The following NLGN4X variants were observed in gnomAD, a reference collection of about 807,000 sequenced individuals.
NLGN4X encodes the protein neuroligin 4 X-linked.
Under a neutral mutation model 40.3 loss-of-function variants are expected in NLGN4X, and 3 were observed. The observed-to-expected ratio is 0.07, with a 90% CI of 0.03 to 0.19. The LOEUF (loss-of-function observed/expected upper bound fraction) is 0.19. NLGN4X is among the 10% of genes least tolerant of loss of function. NLGN4X has a pLI of 1.00. For missense variants in NLGN4X, 382 were observed against 708.3 expected, an observed-to-expected ratio of 0.54 and a Z score of 5.23; for synonymous variants, 270 against 306.8, an observed-to-expected ratio of 0.88 and a Z score of 1.25.
intron 3 of NLGN4X, among the ~76,000 whole-genome samples, chrX:5,964,005 T>C (rs1348688626): frequency 3.6e-5 from 4 of 112,064 alleles, no homozygotes; most frequent in Admixed American, 1.9e-4. Context: ...GGGAAAACAA[T>C]GCAAAGTGTA....
chrX:6,058,487 A>C (rs1412711210), intron 2 of NLGN4X, among the ~76,000 whole-genome samples: 1 of 112,486 alleles, frequency 8.9e-6, no homozygotes, highest in African/African-American at 3.2e-5. Flanking sequence ...TGAGATCCTT[A>C]CTTGCATAGT....
At chrX:6,073,266 CT>C (rs1380586816) in intron 2 of NLGN4X, among the ~76,000 whole-genome samples, 1 of 112,125 alleles carries the variant, frequency 8.9e-6, no homozygotes, top group Non-Finnish European at 1.9e-5. Context: ...TAGAAACTGA[CT>C]TTTTACATTT....
At position 6,044,025 on chromosome X, in the gene NLGN4X, TGA is replaced by T. The variant is rs1364918148; in HGVS notation, c.473-14595_473-14594del. ...GCTCATGCCTGTAATTCCAGCACTC[TGA>T]GAGGCCAAGGCAAGAGGACTGCTTG... On this transcript the variant is annotated intron_variant, in intron 2 of 5. Transcript: ENST00000381095. Among the ~76,000 whole-genome samples, 3 of 110,638 alleles carry T rather than the reference TGA, an allele frequency of 2.7e-5. No homozygotes were observed. The East Asian group carries it at 8.6e-4, about 32-fold the overall frequency.
chrX:6,117,279 T>C (rs1007807760), intron 2 of NLGN4X, among the ~76,000 whole-genome samples: 3 of 110,928 alleles, frequency 2.7e-5, no homozygotes, highest in Non-Finnish European at 5.7e-5. Flanking sequence ...TCTTTACTCA[T>C]GGAGCATCAC....
At chrX:5,927,234 A>C (rs1045249778) in intron 3 of NLGN4X, among the ~76,000 whole-genome samples, 1 of 111,934 alleles carries the variant, frequency 8.9e-6, no homozygotes, top group African/African-American at 3.2e-5. Flanking sequence ...ATACAGAAAG[A>C]CAGTTCACAC....
intron 3 of NLGN4X, among the ~76,000 whole-genome samples, chrX:5,954,029 C>T (rs1194246479): frequency 9.0e-6 from 1 of 111,495 alleles, no homozygotes; most frequent in Non-Finnish European, 1.9e-5. Context: ...AATTTATGCC[C>T]GCCCTGTGAA....
chrX:5,893,943 C>T (rs912620497), intron 5 of NLGN4X, among the ~76,000 whole-genome samples: 3 of 111,992 alleles, frequency 2.7e-5, no homozygotes, highest in African/African-American at 9.7e-5. Flanking sequence ...TTTTTTAAGG[C>T]ATCAAATGAT....
chrX:6,010,512 T>TA (rs1372089349), intron 3 of NLGN4X, among the ~76,000 whole-genome samples: 74 of 91,829 alleles, frequency 8.1e-4, no homozygotes, highest in South Asian at 3.5e-3. Context: ...GTTCTTTTTA[T>TA]TTTATTATTA....
chrX:6,145,833 A>T (rs983122439), intron 2 of NLGN4X, among the ~76,000 whole-genome samples: 1 of 111,287 alleles, frequency 9.0e-6, no homozygotes, highest in Non-Finnish European at 1.9e-5. Context: ...AACATAAAAA[A>T]GTTTATGGGC....
intron 3 of NLGN4X, among the ~76,000 whole-genome samples, chrX:6,000,811 T>A (rs2035953571): frequency 9.0e-6 from 1 of 111,593 alleles, no homozygotes; most frequent in South Asian, 3.8e-4. Flanking sequence ...ACTGTTCCAA[T>A]TTCTGCCTGT....
At chrX:5,897,624 C>G (rs2031576086) in intron 5 of NLGN4X, among the ~76,000 whole-genome samples, 1 of 111,723 alleles carries the variant, frequency 9.0e-6, no homozygotes, top group South Asian at 3.8e-4. Flanking sequence ...CAGGCCTGGG[C>G]AACTGCTTCC....
intron 2 of NLGN4X, among the ~76,000 whole-genome samples, chrX:6,133,630 G>A (rs900626247): frequency 9.0e-6 from 1 of 111,457 alleles, no homozygotes; most frequent in African/African-American, 3.3e-5. Context: ...CACCTCTAAG[G>A]TCACTAAAAG....
At chrX:6,065,385 AGAG>A (rs2037884893) in intron 2 of NLGN4X, among the ~76,000 whole-genome samples, 1 of 110,836 alleles carries the variant, frequency 9.0e-6, no homozygotes, top group Non-Finnish European at 1.9e-5. Flanking sequence ...AAAAGAAAAG[AGAG>A]AAGAGTGGAT....
chrX:5,975,512 C>T (rs2035146160), intron 3 of NLGN4X, among the ~76,000 whole-genome samples: 1 of 106,946 alleles, frequency 9.4e-6, no homozygotes, highest in African/African-American at 3.5e-5. Flanking sequence ...ACTCAGGAGG[C>T]TGAGGCAGGA....
chrX:6,188,760 C>T (rs1349239035), intron 1 of NLGN4X, among the ~76,000 whole-genome samples: 1 of 111,590 alleles, frequency 9.0e-6, no homozygotes, highest in Non-Finnish European at 1.9e-5. Flanking sequence ...TCAGGAATGC[C>T]ATGAAAGGAA....
chrX:5,989,074 AT>A (rs1186219978), intron 3 of NLGN4X, among the ~76,000 whole-genome samples: 2 of 92,764 alleles, frequency 2.2e-5, no homozygotes, highest in African/African-American at 8.8e-5. Flanking sequence ...TCTCAAAAAA[AT>A]AAAAAAAATA....
At chrX:6,073,426 C>T (rs976206189) in intron 2 of NLGN4X, among the ~76,000 whole-genome samples, 2 of 112,333 alleles carry the variant, frequency 1.8e-5, no homozygotes, top group Admixed American at 1.9e-4. Flanking sequence ...AAGATTTATG[C>T]AGACTTTAGC....
chrX:5,991,288 C>A (rs2035676772), intron 3 of NLGN4X: 3 of 310,277 alleles, frequency 9.7e-6, no homozygotes, highest in African/African-American at 5.5e-5. Context: ...TCCAATGAGA[C>A]ATTGTTCTTC....
chrX:6,031,514 AT>A (rs2036856640), intron 2 of NLGN4X, among the ~76,000 whole-genome samples: 1 of 111,424 alleles, frequency 9.0e-6, no homozygotes, highest in South Asian at 3.8e-4. Flanking sequence ...AGAACAGTTG[AT>A]TTATGAAGAT....
Sources: gnomAD v4.1 joint callset for allele counts (sites outside exome capture counted in the v4.1 genomes callset) on GRCh38, gnomAD v4.1.1 for gene constraint, MANE v1.5 for transcripts, NCBI Gene and HGNC (gene_info 2026-07-23, HGNC 2026-07-21) for gene names.